Variants in ATAD1 observed in about 807,000 individuals in gnomAD.
The protein encoded by ATAD1 is ATPase family AAA domain containing 1, also known as outer mitochondrial transmembrane helix translocase.
Under a neutral mutation model 42.7 loss-of-function variants are expected in ATAD1, and 18 were observed. That is an observed-to-expected ratio of 0.42 (90% CI 0.29 to 0.63). The LOEUF (loss-of-function observed/expected upper bound fraction) is 0.63. Among genes scored for constraint, ATAD1 ranks in the 20% least tolerant of loss-of-function variants. The pLI is 0.19. For synonymous variants in ATAD1, 132 were observed against 143.1 expected, an observed-to-expected ratio of 0.92 and a Z score of 0.55; for missense variants, 294 against 440.4, an observed-to-expected ratio of 0.67 and a Z score of 2.98.
At chr10:87,783,869 C>T (rs1422538963) in intron 5 of ATAD1, among the ~76,000 whole-genome samples, 1 of 149,628 alleles carries the variant, frequency 6.7e-6, no homozygotes, top group Admixed American at 6.6e-5. Flanking sequence ...AAACCAGATA[C>T]AAAACGTATA....
chr10:87,807,884 C>T (rs899290309), intron 2 of ATAD1, among the ~76,000 whole-genome samples: 8 of 152,132 alleles, frequency 5.3e-5, no homozygotes, highest in African/African-American at 1.9e-4. Flanking sequence ...TGTTCTTCCA[C>T]ATGAATTTCA....
chr10:87,755,775 G>C (rs1355589141), intron 9 of ATAD1, among the ~76,000 whole-genome samples: 1 of 152,104 alleles, frequency 6.6e-6, no homozygotes, highest in Non-Finnish European at 1.5e-5. Context: ...CGGGCATGGT[G>C]ATGGGCGCCT....
intron 7 of ATAD1, among the ~76,000 whole-genome samples, chr10:87,770,000 TA>T: frequency 6.6e-6 from 1 of 152,296 alleles, no homozygotes; most frequent in South Asian, 2.1e-4. Flanking sequence ...AAATTAAGTT[TA>T]AAAATCTTTT....
At chr10:87,840,860 A>T (rs1858019523) in intron 1 of ATAD1, among the ~76,000 whole-genome samples, 1 of 152,226 alleles carries the variant, frequency 6.6e-6, no homozygotes, top group Admixed American at 6.5e-5. Flanking sequence ...GTAAAGTAAT[A>T]TATGATGATA....
chr10:87,833,886 G>A (rs145299065), intron 1 of ATAD1, among the ~76,000 whole-genome samples: 2 of 151,880 alleles, frequency 1.3e-5, no homozygotes, highest in Non-Finnish European at 2.9e-5. Context: ...CACCACACCC[G>A]GCTAATTTTT....
intron 2 of ATAD1, among the ~76,000 whole-genome samples, chr10:87,796,526 T>G (rs1856396556): frequency 6.6e-6 from 1 of 152,230 alleles, no homozygotes; most frequent in African/African-American, 2.4e-5. Flanking sequence ...TTACATATGT[T>G]GACTGATGTT....
rs117347219 is a variant in ATAD1, at chr10:87,812,543, G to A, written c.162+1895C>T. Among the ~76,000 whole-genome samples, 384 of 152,266 alleles carry A rather than the reference G, an allele frequency of 2.5e-3. 13 individuals carry two copies. The East Asian group carries it at 0.062, about 25-fold the overall frequency. On this transcript the variant is annotated intron_variant, in intron 2 of 9. Transcript: ENST00000680024. ...CTCCCAAAGTGCTGGGATTATAGGCGTGAGCCACCACATGGCCAGTCAACA... is the reference window on the plus strand; with the variant it reads ...CTCCCAAAGTGCTGGGATTATAGGCATGAGCCACCACATGGCCAGTCAACA...
intron 2 of ATAD1, among the ~76,000 whole-genome samples, chr10:87,809,612 G>A (rs1333674101): frequency 6.6e-6 from 1 of 150,516 alleles, no homozygotes; most frequent in Non-Finnish European, 1.5e-5. Flanking sequence ...CTATAGTTAT[G>A]AACAGTCCTA....
intron 2 of ATAD1, among the ~76,000 whole-genome samples, chr10:87,800,116 A>G (rs548321969): frequency 1.3e-5 from 2 of 152,020 alleles, no homozygotes; most frequent in South Asian, 4.1e-4. Context: ...AGAAACTTTT[A>G]TATAATTAAA....
chr10:87,772,092 A>C (rs1855061297), intron 6 of ATAD1, among the ~76,000 whole-genome samples: 1 of 152,228 alleles, frequency 6.6e-6, no homozygotes, highest in African/African-American at 2.4e-5. Context: ...AGAAAATATA[A>C]ACACAAATTT....
chr10:87,783,109 G>A lies in ATAD1; in HGVS notation c.583+1361C>T, dbSNP rs923486267. 3.9e-5 allele frequency among the ~76,000 whole-genome samples: 6 copies of A among 152,182 alleles called. No homozygotes were observed. The East Asian group carries it at 1.2e-3, about 29-fold the overall frequency. On this transcript the variant is annotated intron_variant, in intron 5 of 9. Coordinates refer to ENST00000680024, the MANE Select transcript of ATAD1 (RefSeq NM_001321967.2). Reference sequence around the variant, plus strand: ...CAATATAGCTAATAGGCCAGGTGTGGTGGACACACCTGTAATCGCAATGCT... The same window carrying A: ...CAATATAGCTAATAGGCCAGGTGTGATGGACACACCTGTAATCGCAATGCT...
chr10:87,757,054 C>CT (rs761499295), intron 8 of ATAD1, 132 bp from the exon 9 acceptor site: 6 of 657,092 alleles, frequency 9.1e-6, no homozygotes, highest in African/African-American at 3.8e-5. Context: ...TTTCTAGAAG[C>CT]TTTTTTTAAC....
intron 1 of ATAD1, among the ~76,000 whole-genome samples, chr10:87,838,795 T>C (rs1049855324): frequency 6.6e-6 from 1 of 152,176 alleles, no homozygotes. Flanking sequence ...GGCAGCTGTC[T>C]GCAAGCCAGA....
intron 5 of ATAD1, among the ~76,000 whole-genome samples, chr10:87,779,468 C>T (rs1175158936): frequency 6.6e-6 from 1 of 152,098 alleles, no homozygotes; most frequent in Non-Finnish European, 1.5e-5. Flanking sequence ...TCTTAAAGTT[C>T]AACAATAAGA....
At chr10:87,833,656 A>AT (rs34393674) in intron 1 of ATAD1, among the ~76,000 whole-genome samples, 26,597 of 138,060 alleles carry the variant, frequency 0.19, 2,583 homozygotes, top group Middle Eastern at 0.28. Context: ...TCTGCTGAGA[A>AT]TTTTTTTTTT....
intron 1 of ATAD1, among the ~76,000 whole-genome samples, chr10:87,834,785 A>C (rs1007908037): frequency 2.0e-5 from 3 of 151,480 alleles, no homozygotes; most frequent in African/African-American, 7.3e-5. Context: ...AGCTTTTAAA[A>C]ATTTTCTTCC....
intron 6 of ATAD1, among the ~76,000 whole-genome samples, chr10:87,773,374 T>C (rs571527064): frequency 5.3e-5 from 8 of 152,300 alleles, no homozygotes; most frequent in South Asian, 2.1e-4. Flanking sequence ...AGCCGTTCTC[T>C]ATTTCTATTT....
At position 87,814,506 on chromosome 10, in the gene ATAD1, A is replaced by G; in HGVS notation, c.94T>C (p.Phe32Leu). Residue 32 changes from phenylalanine (F) to leucine (L), a missense_variant, in exon 2 of 10, where the codon TTT (phenylalanine) becomes CTT (leucine). By Grantham distance (22) the Phe-to-Leu change is conservative (BLOSUM62 0). This residue lies in a region of ATAD1 where 121 missense variants were observed against 187.3 expected (regional missense o/e 0.65). Transcript: ENST00000680024. ...GCATCTACCATCCATTTGATAGTAA[A>G]GTATGTCACTGCACCAAATATTGTC... ...RLTIFGAVTY[F>L]TIKWMVDAID... The G allele has an allele frequency of 6.2e-7, 1 of 1,611,836 alleles. No individual in the cohort carries two copies. Among genetic ancestry groups the G allele is most frequent in the African/African-American group, 1.3e-5 (1 of 74,984 alleles).
At chr10:87,827,323 A>G (rs1238116584) in intron 1 of ATAD1, among the ~76,000 whole-genome samples, 1 of 152,226 alleles carries the variant, frequency 6.6e-6, no homozygotes, top group African/African-American at 2.4e-5. Context: ...GTCACACGTC[A>G]GGTAGCCTTT....
Sources: gnomAD v4.1 joint callset for allele counts (sites outside exome capture counted in the v4.1 genomes callset) on GRCh38, gnomAD v4.1.1 for gene constraint, gnomAD v4.1.1 regional missense constraint, MANE v1.5 for transcripts, NCBI Gene and HGNC (gene_info 2026-07-23, HGNC 2026-07-21) for gene names.